The following EFCAB6 variants were observed in gnomAD, a reference collection of about 807,000 sequenced individuals.
The protein encoded by EFCAB6 is EF-hand calcium-binding domain-containing protein 6.
EFCAB6 carries 156 observed loss-of-function variants against 169.8 expected under a neutral mutation model. That is an observed-to-expected ratio of 0.92 (90% CI 0.81 to 1.05). The LOEUF (loss-of-function observed/expected upper bound fraction) is 1.05. Among genes scored for constraint, EFCAB6 ranks in the 50% least tolerant of loss-of-function variants. The pLI, the probability that EFCAB6 is intolerant of heterozygous loss-of-function variation, is 0.00. For synonymous variants in EFCAB6, 698 were observed against 676.4 expected, an observed-to-expected ratio of 1.03 and a Z score of -0.50; for missense variants, 1,800 against 1,829.1, an observed-to-expected ratio of 0.98 and a Z score of 0.29.
chr22:43,745,424 T>C (rs770539330), intron 6 of EFCAB6, among the ~76,000 whole-genome samples: 2 of 152,230 alleles, frequency 1.3e-5, no homozygotes, highest in African/African-American at 2.4e-5. Flanking sequence ...TTCATTCTTA[T>C]TGGCTTCCGT....
intron 11 of EFCAB6, among the ~76,000 whole-genome samples, chr22:43,685,655 G>T (rs1347586308): frequency 6.6e-6 from 1 of 152,180 alleles, no homozygotes; most frequent in Non-Finnish European, 1.5e-5. Flanking sequence ...ACCCATCGCG[G>T]ATTTTGATTG....
At chr22:43,756,744 G>A (rs1293563097) in intron 5 of EFCAB6, among the ~76,000 whole-genome samples, 1 of 152,260 alleles carries the variant, frequency 6.6e-6, no homozygotes, top group Non-Finnish European at 1.5e-5. Flanking sequence ...ATAAATTGGA[G>A]ATGGGGGAAG....
At chr22:43,726,293 A>G (rs1222924709) in intron 8 of EFCAB6, among the ~76,000 whole-genome samples, 1 of 150,708 alleles carries the variant, frequency 6.6e-6, no homozygotes, top group Admixed American at 6.6e-5. Flanking sequence ...AAAAAAAAAA[A>G]AAAAAAAGAC....
chr22:43,723,745 C>T (rs149346373), intron 8 of EFCAB6, among the ~76,000 whole-genome samples: 15 of 152,324 alleles, frequency 9.8e-5, no homozygotes, highest in East Asian at 3.9e-4. Context: ...TCTGGGCCCA[C>T]GTGAGCCCCA....
At chr22:43,634,368 G>C (rs2055217291) in intron 18 of EFCAB6, among the ~76,000 whole-genome samples, 1 of 152,052 alleles carries the variant, frequency 6.6e-6, no homozygotes, top group African/African-American at 2.4e-5. Context: ...CAAGGCTAGG[G>C]GGACCTTGGC....
intron 3 of EFCAB6, among the ~76,000 whole-genome samples, chr22:43,777,337 A>G (rs952939866): frequency 2.6e-5 from 4 of 152,180 alleles, no homozygotes; most frequent in Non-Finnish European, 5.9e-5. Flanking sequence ...GGATGGAGCT[A>G]TCATTTTGGT....
chr22:43,751,032 G>A (rs1056857537), intron 6 of EFCAB6, among the ~76,000 whole-genome samples: 7 of 152,230 alleles, frequency 4.6e-5, no homozygotes, highest in African/African-American at 1.7e-4. Flanking sequence ...CTGGCATCAT[G>A]GTGCCTGAAC....
chr22:43,698,924 T>C (rs1441114666), intron 10 of EFCAB6, among the ~76,000 whole-genome samples: 1 of 152,214 alleles, frequency 6.6e-6, no homozygotes, highest in African/African-American at 2.4e-5. Context: ...ATTCCCTCCA[T>C]TGCCTTATAC....
chr22:43,689,173 T>A (rs1257308847), intron 10 of EFCAB6, among the ~76,000 whole-genome samples: 7 of 151,360 alleles, frequency 4.6e-5, no homozygotes, highest in Non-Finnish European at 8.8e-5. Flanking sequence ...AGGTGAGAGA[T>A]GAGCTGGCTA....
At chr22:43,767,525 T>G (rs2061354877) in intron 4 of EFCAB6, among the ~76,000 whole-genome samples, 1 of 152,162 alleles carries the variant, frequency 6.6e-6, no homozygotes, top group South Asian at 2.1e-4. Flanking sequence ...TTTGCAGAGC[T>G]CACACTGACT....
intron 27 of EFCAB6, among the ~76,000 whole-genome samples, chr22:43,544,245 T>C (rs1428944400): frequency 1.3e-5 from 2 of 152,120 alleles, no homozygotes; most frequent in African/African-American, 4.8e-5. Flanking sequence ...TCTCAGCTGA[T>C]AATCTTACCC....
At chr22:43,794,183 T>G (rs1417758826) in intron 2 of EFCAB6, among the ~76,000 whole-genome samples, 1 of 152,226 alleles carries the variant, frequency 6.6e-6, no homozygotes, top group Non-Finnish European at 1.5e-5. Context: ...GAGGTTCATG[T>G]GTAAAGTTTC....
At chr22:43,769,943 C>A (rs1193854223) in intron 4 of EFCAB6, among the ~76,000 whole-genome samples, 1 of 152,010 alleles carries the variant, frequency 6.6e-6, no homozygotes, top group Non-Finnish European at 1.5e-5. Context: ...CAAACTCTGC[C>A]TCCCGGGTTC....
chr22:43,664,567 G>A (rs1214806704), intron 17 of EFCAB6, among the ~76,000 whole-genome samples: 5 of 152,228 alleles, frequency 3.3e-5, no homozygotes, highest in Admixed American at 3.3e-4. Flanking sequence ...GAATGTCAAG[G>A]TCACCTTGGT....
At chr22:43,727,722 G>T (rs555200965) in intron 8 of EFCAB6, among the ~76,000 whole-genome samples, 43 of 152,282 alleles carry the variant, frequency 2.8e-4, no homozygotes, top group African/African-American at 9.4e-4. Flanking sequence ...AATCAAAGAT[G>T]TATATTAGAA....
At chr22:43,535,399 C>T (rs1362565406) in intron 29 of EFCAB6, 1 of 152,642 alleles carries the variant, frequency 6.6e-6, no homozygotes, top group Non-Finnish European at 1.5e-5. Flanking sequence ...ATATATACAA[C>T]TTATTCTGGA....
intron 23 of EFCAB6, among the ~76,000 whole-genome samples, chr22:43,598,063 G>C (rs933105344): frequency 7.2e-5 from 11 of 152,142 alleles, no homozygotes; most frequent in African/African-American, 2.7e-4. Context: ...TGTAAGACCA[G>C]CCCTTTAGGA....
chr22:43,810,062 ATGGGGGGGGTC>A (rs1423650736), intron 1 of EFCAB6, among the ~76,000 whole-genome samples: 1 of 151,594 alleles, frequency 6.6e-6, no homozygotes, highest in Non-Finnish European at 1.5e-5. Flanking sequence ...CACCATAGAT[ATGGGGGGGGTC>A]TGACTTTGTT....
At chr22:43,637,242 G>A (rs990777936) in intron 17 of EFCAB6, among the ~76,000 whole-genome samples, 1 of 152,190 alleles carries the variant, frequency 6.6e-6, no homozygotes, top group Non-Finnish European at 1.5e-5. Flanking sequence ...CTTTCTGCCC[G>A]GCCCCTCACA....
Sources: allele counts gnomAD v4.1 joint callset (sites outside exome capture counted in the v4.1 genomes callset), GRCh38; gene constraint gnomAD v4.1.1; transcripts MANE v1.5; gene names NCBI Gene and HGNC (gene_info 2026-07-23, HGNC 2026-07-21).